The following DNAH14 variants were observed in gnomAD, a reference collection of about 807,000 sequenced individuals.
DNAH14 encodes the protein axonemal beta dynein heavy chain 14.
DNAH14 carries 478 observed loss-of-function variants against 520.9 expected under a neutral mutation model. The observed-to-expected ratio is 0.92, with a 90% CI of 0.85 to 0.99. The LOEUF (loss-of-function observed/expected upper bound fraction) is 0.99, where lower values mean the gene tolerates loss of function less well. Among genes scored for constraint, DNAH14 ranks in the 50% least tolerant of loss-of-function variants. The pLI is 0.00. For missense variants in DNAH14, 4,831 were observed against 5,234.5 expected (o/e 0.92, Z 2.38); for synonymous variants, 1,581 against 1,757.2 (o/e 0.90, Z 2.51).
chr1:224,964,415 G>T, intron 4 of DNAH14, 64 bp from the exon 5 acceptor site: 3 of 1,492,384 alleles, frequency 2.0e-6, no homozygotes, highest in Non-Finnish European at 2.7e-6. Context: ...GTAATATTAT[G>T]CATTATCCTT....
At chr1:225,158,212 ATTG>A (rs1223980350) in intron 34 of DNAH14, among the ~76,000 whole-genome samples, 4 of 152,104 alleles carry the variant, frequency 2.6e-5, no homozygotes, top group Non-Finnish European at 2.9e-5. Flanking sequence ...TATATGAAAT[ATTG>A]TTATTATAGA....
rs1384483722 is a variant in DNAH14, at chr1:225,051,667, A to T, written c.2296A>T (p.Ile766Phe). Residue 766 changes from isoleucine to phenylalanine, a missense_variant, in exon 17 of 86, where the codon ATT (isoleucine) becomes TTT (phenylalanine). Ile to Phe is a conservative substitution (Grantham distance 21, BLOSUM62 0). Coordinates refer to ENST00000682510, the MANE Select transcript of DNAH14 (RefSeq NM_001367479.1). The part of the protein sequence containing the change: ...HIVNMAIEKR[I>F]GIFNVVSLDY... Reference sequence around the variant, plus strand: ...TGTGAATATGGCCATTGAGAAGCGTATTGGTATTTTCAACGTTGTAAGTCT... The same window carrying T: ...TGTGAATATGGCCATTGAGAAGCGTTTTGGTATTTTCAACGTTGTAAGTCT... 3.2e-6 allele frequency: 5 copies of T among 1,551,098 alleles called. No individual in the cohort carries two copies. The highest frequency in any genetic ancestry group is 4.4e-6 in the Non-Finnish European group (5 of 1,146,620).
intron 2 of DNAH14, among the ~76,000 whole-genome samples, chr1:224,953,858 T>G (rs1352562454): frequency 2.0e-5 from 3 of 152,160 alleles, no homozygotes; most frequent in African/African-American, 7.2e-5. Context: ...GGAAAACATA[T>G]AAGCTCATTT....
chr1:225,002,281 T>G (rs751649626), intron 8 of DNAH14, among the ~76,000 whole-genome samples: 3 of 152,172 alleles, frequency 2.0e-5, no homozygotes, highest in Non-Finnish European at 2.9e-5. Flanking sequence ...GTCTCACCTT[T>G]ATTTAGACTA....
chr1:225,295,159 G>C (rs778442652), intron 55 of DNAH14, among the ~76,000 whole-genome samples: 1 of 151,798 alleles, frequency 6.6e-6, no homozygotes, highest in Non-Finnish European at 1.5e-5. Flanking sequence ...TTTTTAGTTT[G>C]TCTAACTAAT....
At chr1:225,038,882 T>A (rs947279652) in intron 12 of DNAH14, 59 bp downstream of exon 12, 4 of 1,350,366 alleles carry the variant, frequency 3.0e-6, no homozygotes, top group Non-Finnish European at 3.9e-6. Flanking sequence ...GAATACATTT[T>A]AAAATTTAAA....
chr1:225,310,715 G>T (rs12403447), intron 60 of DNAH14, among the ~76,000 whole-genome samples: 13,972 of 152,148 alleles, frequency 0.092, 1,071 homozygotes, highest in African/African-American at 0.21. Context: ...TTCTGTTCTT[G>T]TGTTAGTTTG....
At position 225,290,014 on chromosome 1, in the gene DNAH14, G is replaced by T; in HGVS notation, c.8401G>T (p.Val2801Leu). ...YIEFKEVFKK[V>L]FIHAGLKGKP... is the part of the protein sequence containing the mutation. Reference sequence around the variant, plus strand: ...CGAATTCAAAGAAGTCTTTAAAAAGGTGTTTATTCACGCAGGATTAAAAGG... The same window carrying T: ...CGAATTCAAAGAAGTCTTTAAAAAGTTGTTTATTCACGCAGGATTAAAAGG... The change falls in exon 55 of 86, where the codon GTG (valine) becomes TTG (leucine). Residue 2801 changes from valine (V) to leucine (L), a missense_variant. Coordinates refer to ENST00000682510, the MANE Select transcript of DNAH14 (RefSeq NM_001367479.1). 6.5e-7 allele frequency: 1 copy of T among 1,537,598 alleles called. No homozygotes were observed. The highest frequency in any genetic ancestry group is 8.8e-7 in the Non-Finnish European group (1 of 1,139,320).
At chr1:225,313,450 C>T (rs1328779602) in intron 60 of DNAH14, among the ~76,000 whole-genome samples, 1 of 152,148 alleles carries the variant, frequency 6.6e-6, no homozygotes, top group Non-Finnish European at 1.5e-5. Flanking sequence ...TTCAGTTCTG[C>T]TCTGATCTTA....
chr1:225,248,201 T>A (rs1201887093), intron 43 of DNAH14, among the ~76,000 whole-genome samples: 1 of 152,096 alleles, frequency 6.6e-6, no homozygotes, highest in Admixed American at 6.6e-5. Flanking sequence ...CAAACACCTG[T>A]AACTCATGTA....
At chr1:225,141,154 C>T in intron 28 of DNAH14, 133 bp downstream of exon 28, 1 of 820,776 alleles carries the variant, frequency 1.2e-6, no homozygotes, top group Non-Finnish European at 1.8e-6. Flanking sequence ...TCTAAGCAAA[C>T]TGTACCAATC....
rs115565831 is a variant in DNAH14 at position 225,114,288 on chromosome 1, C to A, written c.3868-3396C>A. ...TGTGTCTAGAAATGTCATACAAGAT[C>A]TAGGGCCTAGAATGGGAGCCTCATG... On this transcript the variant is annotated intron_variant, in intron 23 of 85. Coordinates refer to ENST00000682510, the MANE Select transcript of DNAH14 (RefSeq NM_001367479.1). Among the ~76,000 whole-genome samples, 720 of 152,258 alleles carry A rather than the reference C, an allele frequency of 4.7e-3. 4 individuals are homozygous for A. The highest frequency in any genetic ancestry group is 0.016 in the African/African-American group (676 of 41,536).
chr1:225,209,390 T>C (rs1024300970), intron 41 of DNAH14, among the ~76,000 whole-genome samples: 2 of 152,140 alleles, frequency 1.3e-5, no homozygotes, highest in Admixed American at 1.3e-4. Flanking sequence ...AATAGATTGC[T>C]GTTGTTTGTT....
At chr1:224,986,176 C>T (rs2062622927) in intron 8 of DNAH14, among the ~76,000 whole-genome samples, 1 of 151,976 alleles carries the variant, frequency 6.6e-6, no homozygotes, top group Non-Finnish European at 1.5e-5. Context: ...CTGATGGCTT[C>T]TTCTGAATTT....
chr1:225,025,454 G>T (rs2066029552), intron 11 of DNAH14, among the ~76,000 whole-genome samples: 1 of 150,270 alleles, frequency 6.7e-6, no homozygotes, highest in Non-Finnish European at 1.5e-5. Context: ...AAATTTGGCT[G>T]GGCATGGTGG....
At chr1:225,317,909 C>G (rs1239807227) in intron 60 of DNAH14, among the ~76,000 whole-genome samples, 1 of 152,082 alleles carries the variant, frequency 6.6e-6, no homozygotes, top group Non-Finnish European at 1.5e-5. Flanking sequence ...GAAAGTTAGA[C>G]CAGCAGAAAA....
At chr1:225,359,771 G>A (rs1369443887) in intron 74 of DNAH14, among the ~76,000 whole-genome samples, 3 of 152,208 alleles carry the variant, frequency 2.0e-5, no homozygotes, top group Admixed American at 1.3e-4. Flanking sequence ...CAGAATGGAA[G>A]CAAGGAAGAA....
intron 64 of DNAH14, among the ~76,000 whole-genome samples, chr1:225,331,100 A>G (rs2094787097): frequency 6.6e-6 from 1 of 152,198 alleles, no homozygotes; most frequent in Non-Finnish European, 1.5e-5. Context: ...AAGTGAAAAG[A>G]AGTTCAACCA....
chr1:225,364,935 C>A (rs1314834596), intron 76 of DNAH14, 41 bp downstream of exon 76: 18 of 1,392,400 alleles, frequency 1.3e-5, no homozygotes, highest in Non-Finnish European at 1.8e-5. Flanking sequence ...GACTGAGGAG[C>A]CCTGTTTGAA....
Sources: gnomAD v4.1 joint callset for allele counts (sites outside exome capture counted in the v4.1 genomes callset) on GRCh38, gnomAD v4.1.1 for gene constraint, MANE v1.5 for transcripts, NCBI Gene and HGNC (gene_info 2026-07-23, HGNC 2026-07-21) for gene names.